Variants in ATP11A observed in about 807,000 individuals in gnomAD.
The protein encoded by ATP11A is phospholipid-transporting ATPase IH.
Under a neutral mutation model 154.4 loss-of-function variants are expected in ATP11A, and 81 were observed. The ratio of observed to expected loss-of-function variants is 0.52; its 90% CI spans 0.44 to 0.63. The LOEUF (loss-of-function observed/expected upper bound fraction) is 0.63, where lower values mean the gene tolerates loss of function less well. ATP11A is among the 30% of genes least tolerant of loss of function. ATP11A has a pLI of 0.00. For synonymous variants in ATP11A, 623 were observed against 585.9 expected (o/e 1.06, Z -0.91); for missense variants, 1,316 against 1,474.3 (o/e 0.89, Z 1.76).
Position 112,854,515 on chromosome 13 carries a change from G to A in ATP11A, c.2228G>A (p.Arg743Lys), listed in dbSNP as rs750465947. The A allele has an allele frequency of 2.2e-5, 36 of 1,610,326 alleles. No individual in the cohort carries two copies. Among genetic ancestry groups the A allele is most frequent in the Non-Finnish European group, 2.8e-5 (33 of 1,179,786 alleles). Residue 743 changes from arginine (R) to lysine (K), a missense_variant, in exon 19 of 30, where the codon AGA becomes AAA. Physicochemically the swap from Arg to Lys is conservative, Grantham distance 26. This residue lies in a region of ATP11A where 876 missense variants were observed against 1,006.8 expected (regional missense o/e 0.87). Transcript: ENST00000375645. ...TVLRHSGSLT[R>K]DNLSGLSADM... Reference sequence around the variant, plus strand: ...CTGCGCCACAGCGGGAGCCTGACCAGAGACAACCTGTCCGGGTAGGCAGCG... The same window carrying A: ...CTGCGCCACAGCGGGAGCCTGACCAAAGACAACCTGTCCGGGTAGGCAGCG...
At chr13:112,830,255 C>A (rs1348083685) in intron 12 of ATP11A, among the ~76,000 whole-genome samples, 2 of 152,202 alleles carry the variant, frequency 1.3e-5, no homozygotes, top group Non-Finnish European at 2.9e-5. Context: ...TTTGTTATCT[C>A]ATTCTTATCC....
intron 1 of ATP11A, among the ~76,000 whole-genome samples, chr13:112,708,806 G>T (rs1469545969): frequency 1.3e-5 from 2 of 152,188 alleles, no homozygotes; most frequent in Non-Finnish European, 2.9e-5. Flanking sequence ...TCCAACGAGT[G>T]GCTCTCCCGC....
chr13:112,843,919 T>C (rs565281931), intron 17 of ATP11A, among the ~76,000 whole-genome samples: 12 of 152,198 alleles, frequency 7.9e-5, no homozygotes, highest in Admixed American at 7.9e-4. Context: ...GGTTAAAGAT[T>C]GTTGAACTTC....
intron 1 of ATP11A, among the ~76,000 whole-genome samples, chr13:112,705,233 A>G (rs543181003): frequency 9.6e-5 from 14 of 146,170 alleles, no homozygotes; most frequent in African/African-American, 3.3e-4. Flanking sequence ...TTTTGTCCTC[A>G]TTTCTGATGT....
At chr13:112,742,118 C>T (rs1324785663) in intron 1 of ATP11A, among the ~76,000 whole-genome samples, 3 of 152,206 alleles carry the variant, frequency 2.0e-5, no homozygotes, top group Non-Finnish European at 4.4e-5. Flanking sequence ...GCATTGTCCA[C>T]AGGGAGCAGC....
intron 2 of ATP11A, among the ~76,000 whole-genome samples, chr13:112,788,983 A>G (rs368158730): frequency 2.7e-5 from 4 of 149,988 alleles, no homozygotes; most frequent in African/African-American, 7.4e-5. Flanking sequence ...GTAGACTCCT[A>G]TGTAGACATA....
intron 29 of ATP11A, chr13:112,880,258 G>A (rs529375729): frequency 5.6e-5 from 9 of 159,934 alleles, no homozygotes; most frequent in African/African-American, 7.2e-5. Context: ...CCTTCCAGCC[G>A]AGGGACCTCA....
intron 1 of ATP11A, among the ~76,000 whole-genome samples, chr13:112,702,397 C>T (rs1227655152): frequency 6.6e-6 from 1 of 151,696 alleles, no homozygotes; most frequent in Non-Finnish European, 1.5e-5. Context: ...GTAGCAACCA[C>T]ACGGAGGCCC....
At chr13:112,824,791 G>C (rs1035471262) in intron 10 of ATP11A, among the ~76,000 whole-genome samples, 2 of 152,198 alleles carry the variant, frequency 1.3e-5, no homozygotes, top group African/African-American at 4.8e-5. Context: ...TCTCTGCTAT[G>C]GTTTTACAAA....
At chr13:112,773,021 A>T (rs1329532859) in intron 1 of ATP11A, among the ~76,000 whole-genome samples, 1 of 152,160 alleles carries the variant, frequency 6.6e-6, no homozygotes, top group Non-Finnish European at 1.5e-5. Context: ...CACGTGGGCC[A>T]TACAGGGAAG....
At chr13:112,866,836 A>G (rs926986556) in intron 25 of ATP11A, among the ~76,000 whole-genome samples, 1 of 151,830 alleles carries the variant, frequency 6.6e-6, no homozygotes, top group Non-Finnish European at 1.5e-5. Flanking sequence ...CACTTAAATC[A>G]GTTTTTACCA....
intron 29 of ATP11A, chr13:112,881,062 T>C: frequency 6.1e-6 from 6 of 988,066 alleles, no homozygotes; most frequent in African/African-American, 1.7e-5. Flanking sequence ...GCAGGTCTTC[T>C]GTGTGCCAGC....
chr13:112,834,083 G>A (rs1033991167), intron 14 of ATP11A, among the ~76,000 whole-genome samples: 3 of 152,234 alleles, frequency 2.0e-5, no homozygotes, highest in African/African-American at 2.4e-5. Context: ...ACCCCCAGGC[G>A]TGCAGGAGGA....
intron 22 of ATP11A, chr13:112,858,808 G>C (rs981254726): frequency 3.7e-5 from 6 of 161,354 alleles, no homozygotes; most frequent in Admixed American, 2.8e-4. Context: ...TATTATTATA[G>C]TTATTCTATG....
chr13:112,875,978 G>T lies in ATP11A; in HGVS notation c.3327+37G>T. 6.3e-7 allele frequency: 1 copy of T among 1,590,878 alleles called. No individual in the cohort carries two copies. The highest frequency in any genetic ancestry group is 8.5e-7 in the Non-Finnish European group (1 of 1,171,380). On this transcript the variant is annotated intron_variant, in intron 28 of 29. Coordinates refer to ENST00000375645, the MANE Select transcript of ATP11A (RefSeq NM_015205.3). This position sits in a 1 kb window ranked among gnomAD's most constrained non-coding sequence, Gnocchi z 4.1. ...CCCCAGCCGGGGCGGGGGTGCCTCA[G>T]GGCCCTGGCCTTAGGATTGGGAGAT...
In ATP11A at chr13:112,836,180, T is replaced by C; in HGVS notation, c.1634T>C (p.Phe545Ser). ...GACCTTCTGCATTTCTCTTTCAGGT[T>C]TGAATTGCTGGAAATTTTGAGTTTT... ...ILNRENHIER[F>S]ELLEILSFDS... Residue 545 changes from phenylalanine (F) to serine (S), a missense_variant and splice_region_variant, in exon 16 of 30, where the codon TTT (phenylalanine) becomes TCT (serine). Phe to Ser is a radical substitution (Grantham distance 155). This residue lies in a region of ATP11A where 876 missense variants were observed against 1,006.8 expected (regional missense o/e 0.87). Transcript: ENST00000375645. The C allele has an allele frequency of 1.2e-6, 2 of 1,611,810 alleles. No homozygotes were observed. Among genetic ancestry groups the C allele is most frequent in the Non-Finnish European group, 1.7e-6 (2 of 1,178,218 alleles).
At chr13:112,866,894 CT>C (rs2080352525) in intron 25 of ATP11A, among the ~76,000 whole-genome samples, 1 of 152,082 alleles carries the variant, frequency 6.6e-6, no homozygotes, top group Non-Finnish European at 1.5e-5. Context: ...GTTTTAAAAG[CT>C]TTAAGTTTTC....
At chr13:112,775,804 G>C (rs912653411) in intron 1 of ATP11A, among the ~76,000 whole-genome samples, 14 of 152,172 alleles carry the variant, frequency 9.2e-5, no homozygotes, top group Admixed American at 3.3e-4. Flanking sequence ...GGGAAGCCCA[G>C]CCCACACCTC....
chr13:112,787,157 G>T (rs1266211349), intron 2 of ATP11A, among the ~76,000 whole-genome samples: 1 of 140,218 alleles, frequency 7.1e-6, no homozygotes, highest in African/African-American at 3.0e-5. Flanking sequence ...ATTCACACCG[G>T]GTGTCCTGAT....
Sources: allele counts gnomAD v4.1 joint callset (sites outside exome capture counted in the v4.1 genomes callset), GRCh38; gene constraint gnomAD v4.1.1; regional missense constraint gnomAD v4.1.1; non-coding constraint Gnocchi (gnomAD v3.1); transcripts MANE v1.5; gene names NCBI Gene and HGNC (gene_info 2026-07-23, HGNC 2026-07-21).